Variants in MTUS2 observed in about 807,000 individuals in gnomAD.
MTUS2 encodes the protein microtubule-associated tumor suppressor candidate 2.
In MTUS2, 40 loss-of-function variants were observed where a neutral mutation model predicts 114.1. The observed-to-expected ratio is 0.35, with a 90% CI of 0.27 to 0.46. MTUS2 has a LOEUF of 0.46. Among genes scored for constraint, MTUS2 ranks in the 20% least tolerant of loss-of-function variants. The pLI, the probability that MTUS2 is intolerant of heterozygous loss-of-function variation, is 1.00. For missense variants in MTUS2, 1,679 were observed against 1,705.4 expected (o/e 0.98, Z 0.27); for synonymous variants, 688 against 672.0 (o/e 1.02, Z -0.37).
At chr13:28,959,944 A>G (rs1247987841) in intron 2 of MTUS2, among the ~76,000 whole-genome samples, 1 of 152,250 alleles carries the variant, frequency 6.6e-6, no homozygotes, top group Non-Finnish European at 1.5e-5. Flanking sequence ...GCATCTCATA[A>G]CAAATAACAT....
chr13:29,194,504 T>C (rs905507555), intron 5 of MTUS2, among the ~76,000 whole-genome samples: 4 of 152,206 alleles, frequency 2.6e-5, no homozygotes, highest in African/African-American at 9.7e-5. Context: ...ATGCTCACCA[T>C]CACTGGCCAT....
At chr13:29,181,258 C>T (rs1437487956) in intron 5 of MTUS2, among the ~76,000 whole-genome samples, 1 of 151,972 alleles carries the variant, frequency 6.6e-6, no homozygotes, top group African/African-American at 2.4e-5. Flanking sequence ...CAGGCATCCT[C>T]CGATGTGCCT....
chr13:29,068,054 A>G (rs1347216569), intron 4 of MTUS2, among the ~76,000 whole-genome samples: 2 of 152,240 alleles, frequency 1.3e-5, no homozygotes, highest in Admixed American at 1.3e-4. Context: ...TCAAATGGGA[A>G]AATATCCCCA....
At chr13:29,249,090 C>T (rs1384461874) in intron 5 of MTUS2, among the ~76,000 whole-genome samples, 2 of 152,162 alleles carry the variant, frequency 1.3e-5, no homozygotes, top group Admixed American at 6.5e-5. Context: ...CAGCTTCCAG[C>T]AATTCTCCTG....
At chr13:29,307,753 G>T in intron 6 of MTUS2, 1 of 1,078,592 alleles carries the variant, frequency 9.3e-7, no homozygotes, top group South Asian at 1.2e-5. Context: ...CAGGGTGATG[G>T]ACCTCATGGC....
intron 8 of MTUS2, among the ~76,000 whole-genome samples, chr13:29,374,178 G>C (rs1169259684): frequency 6.6e-6 from 1 of 152,146 alleles, no homozygotes; most frequent in African/African-American, 2.4e-5. Context: ...AATTTTTAAA[G>C]AACAGAGCCT....
At chr13:29,407,507 C>T (rs890618880) in intron 8 of MTUS2, among the ~76,000 whole-genome samples, 25 of 149,442 alleles carry the variant, frequency 1.7e-4, no homozygotes, top group African/African-American at 4.4e-4. Context: ...GATGGAGTTT[C>T]GCTCTTGTTG....
At chr13:28,900,551 T>C (rs1224908650) in intron 2 of MTUS2, among the ~76,000 whole-genome samples, 1 of 152,216 alleles carries the variant, frequency 6.6e-6, no homozygotes, top group Non-Finnish European at 1.5e-5. Flanking sequence ...TGTGTAACCA[T>C]TAAGATTGAC....
chr13:29,296,766 C>T (rs1290880471), intron 6 of MTUS2, among the ~76,000 whole-genome samples: 1 of 152,054 alleles, frequency 6.6e-6, no homozygotes, highest in Non-Finnish European at 1.5e-5. Flanking sequence ...GTCTATTCAG[C>T]TCATTTGTTC....
At chr13:29,354,302 A>G (rs1566149381) in intron 7 of MTUS2, among the ~76,000 whole-genome samples, 1 of 140,006 alleles carries the variant, frequency 7.1e-6, no homozygotes, top group African/African-American at 2.8e-5. Context: ...CACTTACTTC[A>G]TCTTGGCCAG....
chr13:29,483,674 G>A (rs1007875814), intron 10 of MTUS2, among the ~76,000 whole-genome samples: 10 of 152,054 alleles, frequency 6.6e-5, no homozygotes, highest in African/African-American at 2.4e-4. Flanking sequence ...CTGAGGGGGT[G>A]GTGTTGCCTC....
intron 5 of MTUS2, among the ~76,000 whole-genome samples, chr13:29,151,150 ATAT>A (rs1190760312): frequency 6.6e-6 from 1 of 152,118 alleles, no homozygotes; most frequent in Non-Finnish European, 1.5e-5. Context: ...CAATTTAATG[ATAT>A]TATTTCTTCC....
At chr13:28,940,839 T>G (rs1882194036) in intron 2 of MTUS2, among the ~76,000 whole-genome samples, 1 of 152,010 alleles carries the variant, frequency 6.6e-6, no homozygotes, top group Non-Finnish European at 1.5e-5. Context: ...GTAAGTGTAT[T>G]TAGAGTTCCA....
At chr13:28,934,391 T>TA (rs1316786936) in intron 2 of MTUS2, among the ~76,000 whole-genome samples, 3 of 152,238 alleles carry the variant, frequency 2.0e-5, no homozygotes, top group Admixed American at 2.0e-4. Flanking sequence ...TAAATAAGTG[T>TA]ATAAGGGCTT....
At chr13:29,191,236 G>A (rs1336719854) in intron 5 of MTUS2, among the ~76,000 whole-genome samples, 1 of 152,016 alleles carries the variant, frequency 6.6e-6, no homozygotes, top group Non-Finnish European at 1.5e-5. Flanking sequence ...AATGGAAATG[G>A]GAAAATGTCA....
In MTUS2 at chr13:29,342,165, T is replaced by G. The variant is rs548550687; in HGVS notation, c.2906-17097T>G. On this transcript the variant is annotated intron_variant, in intron 7 of 15. Coordinates refer to ENST00000612955, the MANE Select transcript of MTUS2 (RefSeq NM_001033602.4). Reference sequence around the variant, plus strand: ...TTTGGTTCTATATGAATTTTAGAATTGTTTTTTTCTAGTTCTGTGAAGAAT... The same window carrying G: ...TTTGGTTCTATATGAATTTTAGAATGGTTTTTTTCTAGTTCTGTGAAGAAT... Among the ~76,000 whole-genome samples, 7 of 152,236 alleles carry G rather than the reference T, an allele frequency of 4.6e-5. No homozygotes were observed. In the South Asian group the frequency reaches 1.5e-3, roughly 32 times the overall value.
Position 28,919,693 on chromosome 13 carries a change from G to A in MTUS2, c.-243+79843G>A, listed in dbSNP as rs903177296. Among the ~76,000 whole-genome samples, 5 of 151,932 alleles carry A rather than the reference G, an allele frequency of 3.3e-5. No homozygotes were observed. The East Asian group carries it at 5.8e-4, about 18-fold the overall frequency. ...TCTCTGTCTCTACTTTCTCTTTAAG[G>A]CCAAAAAACTCTTAGATTTGCCTTT... On this transcript the variant is annotated intron_variant, in intron 2 of 15. Coordinates refer to ENST00000612955, the MANE Select transcript of MTUS2 (RefSeq NM_001033602.4).
intron 4 of MTUS2, among the ~76,000 whole-genome samples, chr13:29,039,560 G>T (rs1887255203): frequency 6.6e-6 from 1 of 152,228 alleles, no homozygotes; most frequent in African/African-American, 2.4e-5. Flanking sequence ...CAGTCACTTG[G>T]CTCTGGGCAG....
At chr13:29,057,418 C>T (rs1888186958) in intron 4 of MTUS2, among the ~76,000 whole-genome samples, 1 of 152,010 alleles carries the variant, frequency 6.6e-6, no homozygotes, top group African/African-American at 2.4e-5. Flanking sequence ...CACTATTATC[C>T]TGTGGTTACC....
Sources: gnomAD v4.1 joint callset for allele counts (sites outside exome capture counted in the v4.1 genomes callset) on GRCh38, gnomAD v4.1.1 for gene constraint, MANE v1.5 for transcripts, NCBI Gene and HGNC (gene_info 2026-07-23, HGNC 2026-07-21) for gene names.